Variants in SGCZ observed in about 807,000 individuals in gnomAD.
SGCZ encodes sarcoglycan zeta, also known as zeta-sarcoglycan.
SGCZ carries 40 observed loss-of-function variants against 41.3 expected under a neutral mutation model. That is an observed-to-expected ratio of 0.97 (90% CI 0.75 to 1.26). The LOEUF (loss-of-function observed/expected upper bound fraction) is 1.26, where lower values mean the gene tolerates loss of function less well. Among genes scored for constraint, SGCZ ranks in the 50% most tolerant of loss-of-function variants. The pLI is 0.00. For synonymous variants in SGCZ, 206 were observed against 137.5 expected (o/e 1.50, Z -3.49); for missense variants, 552 against 369.8 (o/e 1.49, Z -4.04).
intron 1 of SGCZ, among the ~76,000 whole-genome samples, chr8:14,850,941 A>G (rs529213780): frequency 9.2e-5 from 14 of 152,300 alleles, no homozygotes; most frequent in African/African-American, 2.9e-4. Flanking sequence ...CTGTGATTCA[A>G]TTAAACCTCT....
intron 2 of SGCZ, among the ~76,000 whole-genome samples, chr8:14,369,051 G>C (rs1379874832): frequency 6.7e-6 from 1 of 150,118 alleles, no homozygotes; most frequent in Non-Finnish European, 1.5e-5. Context: ...GTGTGTGTGT[G>C]TGTATTACAT....
At chr8:14,141,106 A>G (rs967013247) in intron 5 of SGCZ, among the ~76,000 whole-genome samples, 7 of 152,232 alleles carry the variant, frequency 4.6e-5, no homozygotes, top group Non-Finnish European at 1.0e-4. Flanking sequence ...TGCTGGGAAA[A>G]CTGGCTAGCC....
intron 1 of SGCZ, among the ~76,000 whole-genome samples, chr8:14,587,995 A>G (rs1805116006): frequency 6.6e-6 from 1 of 152,094 alleles, no homozygotes; most frequent in Non-Finnish European, 1.5e-5. Context: ...TGGCATCTTT[A>G]CAAAAAGATG....
chr8:14,312,812 A>C (rs867711454), intron 3 of SGCZ, among the ~76,000 whole-genome samples: 152 of 152,328 alleles, frequency 1.0e-3, no homozygotes, highest in African/African-American at 3.4e-3. Flanking sequence ...TTATGCAAAC[A>C]AAAAAATTAT....
chr8:14,679,500 TATATATTATATATATAC>T (rs1808375322), intron 1 of SGCZ, among the ~76,000 whole-genome samples: 1 of 97,052 alleles, frequency 1.0e-5, no homozygotes, highest in Admixed American at 1.5e-4. Context: ...TATATATACA[TATATATTATATATATAC>T]ACACATATAT....
chr8:14,136,178 A>G (rs1803191343), intron 5 of SGCZ, among the ~76,000 whole-genome samples: 1 of 152,054 alleles, frequency 6.6e-6, no homozygotes, highest in African/African-American at 2.4e-5. Context: ...CAACTGGATG[A>G]TGGTTCCAAG....
intron 2 of SGCZ, among the ~76,000 whole-genome samples, chr8:14,461,900 T>C (rs938143202): frequency 7.2e-5 from 11 of 152,066 alleles, no homozygotes; most frequent in African/African-American, 1.9e-4. Flanking sequence ...ACATAACATA[T>C]TGATTTGGGA....
intron 1 of SGCZ, among the ~76,000 whole-genome samples, chr8:14,984,108 CCA>C (rs535371481): frequency 1.1e-3 from 164 of 152,218 alleles, no homozygotes; most frequent in Non-Finnish European, 1.8e-3. Flanking sequence ...GAAAATACAA[CCA>C]CACACATAAA....
intron 5 of SGCZ, among the ~76,000 whole-genome samples, chr8:14,138,462 A>G (rs1475493733): frequency 6.6e-6 from 1 of 151,986 alleles, no homozygotes; most frequent in Non-Finnish European, 1.5e-5. Flanking sequence ...AGAGACACAC[A>G]TAGGCTCAAA....
chr8:14,138,621 A>T (rs1006883223), intron 5 of SGCZ, among the ~76,000 whole-genome samples: 6 of 152,218 alleles, frequency 3.9e-5, no homozygotes, highest in Non-Finnish European at 8.8e-5. Context: ...TAAAGGGATC[A>T]ATTCAACAAG....
chr8:15,081,547 A>C (rs1563492023), intron 1 of SGCZ, among the ~76,000 whole-genome samples: 1 of 149,648 alleles, frequency 6.7e-6, no homozygotes, highest in Non-Finnish European at 1.5e-5. Context: ...TAAAGAGGTG[A>C]AAAAGAAGGT....
chr8:14,620,661 T>C (rs1806254615), intron 1 of SGCZ, among the ~76,000 whole-genome samples: 1 of 152,166 alleles, frequency 6.6e-6, no homozygotes, highest in Non-Finnish European at 1.5e-5. Context: ...AAGAAGACAT[T>C]TCTGCAGCCA....
chr8:14,425,071 A>G (rs2117317285), intron 2 of SGCZ, among the ~76,000 whole-genome samples: 1 of 152,126 alleles, frequency 6.6e-6, no homozygotes. Context: ...TTCCATTTTT[A>G]AATTTCGTTA....
At chr8:14,960,187 G>C (rs1282102863) in intron 1 of SGCZ, among the ~76,000 whole-genome samples, 5 of 152,164 alleles carry the variant, frequency 3.3e-5, no homozygotes, top group African/African-American at 1.2e-4. Context: ...AACGCTCTTT[G>C]AGGGTGAATG....
intron 1 of SGCZ, among the ~76,000 whole-genome samples, chr8:14,642,212 T>A (rs1344873348): frequency 2.0e-5 from 3 of 151,664 alleles, no homozygotes; most frequent in African/African-American, 4.8e-5. Context: ...GGGAAGAAAT[T>A]GGGAAGAGAA....
chr8:15,099,068 A>C (rs1217161695), intron 1 of SGCZ, among the ~76,000 whole-genome samples: 1 of 152,196 alleles, frequency 6.6e-6, no homozygotes, highest in Non-Finnish European at 1.5e-5. Flanking sequence ...AAAAAAACAA[A>C]CAAACAACAA....
At chr8:15,111,692 G>A (rs1008033995) in intron 1 of SGCZ, among the ~76,000 whole-genome samples, 1 of 152,150 alleles carries the variant, frequency 6.6e-6, no homozygotes, top group African/African-American at 2.4e-5. Flanking sequence ...ACGAGGTCAA[G>A]AGATGGAGAC....
At position 14,976,483 on chromosome 8, in the gene SGCZ, T is replaced by A. The variant is rs927181328; in HGVS notation, c.39+261102A>T. On this transcript the variant is annotated intron_variant, in intron 1 of 7. Coordinates refer to ENST00000382080, the MANE Select transcript of SGCZ (RefSeq NM_139167.4). ...CATTCCAATTTTTTTATTTTTAACT[T>A]GTTAGATGTATTTTACAAGTTGCTT... Among the ~76,000 whole-genome samples, 8 of 152,322 alleles carry A rather than the reference T, an allele frequency of 5.3e-5. No homozygotes were observed. In the East Asian group the frequency reaches 5.8e-4, roughly 11 times the overall value.
At chr8:14,309,986 T>C (rs1013865751) in intron 3 of SGCZ, among the ~76,000 whole-genome samples, 1 of 152,042 alleles carries the variant, frequency 6.6e-6, no homozygotes, top group African/African-American at 2.4e-5. Flanking sequence ...TACATACAAA[T>C]TTTACCCATC....
Sources: gnomAD v4.1 joint callset for allele counts (sites outside exome capture counted in the v4.1 genomes callset) on GRCh38, gnomAD v4.1.1 for gene constraint, MANE v1.5 for transcripts, NCBI Gene and HGNC (gene_info 2026-07-23, HGNC 2026-07-21) for gene names.